Variants in RAPGEF4 observed in about 807,000 individuals in gnomAD.
RAPGEF4 encodes the protein RAP guanine-nucleotide-exchange factor (GEF) 4.
RAPGEF4 carries 66 observed loss-of-function variants against 147.9 expected under a neutral mutation model. The ratio of observed to expected loss-of-function variants is 0.45; its 90% CI spans 0.37 to 0.55. The LOEUF is 0.55. Ranked by LOEUF, RAPGEF4 falls within the 20% of genes least tolerant of loss-of-function variation. RAPGEF4 has a pLI of 0.00. For missense variants in RAPGEF4, 1,071 were observed against 1,257.3 expected, an observed-to-expected ratio of 0.85 and a Z score of 2.24; for synonymous variants, 419 against 442.7, an observed-to-expected ratio of 0.95 and a Z score of 0.67.
intron 15 of RAPGEF4, among the ~76,000 whole-genome samples, chr2:172,993,136 C>G (rs558651451): frequency 1.3e-5 from 2 of 152,014 alleles, no homozygotes; most frequent in Non-Finnish European, 2.9e-5. Context: ...AGTTTATGTG[C>G]ACATTTTTAA....
At chr2:172,953,393 A>T (rs1688414498) in intron 6 of RAPGEF4, among the ~76,000 whole-genome samples, 1 of 148,056 alleles carries the variant, frequency 6.8e-6, no homozygotes, top group African/African-American at 2.4e-5. Context: ...TATGTTATAT[A>T]ATAAATATAA....
intron 4 of RAPGEF4, among the ~76,000 whole-genome samples, chr2:172,917,096 C>T (rs1308969867): frequency 6.6e-6 from 1 of 152,170 alleles, no homozygotes; most frequent in African/African-American, 2.4e-5. Flanking sequence ...GCTTTATTCT[C>T]ACCAAGCCTT....
At position 172,746,768 on chromosome 2, in the gene RAPGEF4, A is replaced by G. The variant is rs577347359; in HGVS notation, c.65+10720A>G. Reference sequence around the variant, plus strand: ...GCTGGGATTACAGATGTCTGCCACCATGCCTGGCTAATTTTTGTAATTTTA... The same window carrying G: ...GCTGGGATTACAGATGTCTGCCACCGTGCCTGGCTAATTTTTGTAATTTTA... On this transcript the variant is annotated intron_variant, in intron 1 of 30. Coordinates refer to ENST00000397081, the MANE Select transcript of RAPGEF4 (RefSeq NM_007023.4). Among the ~76,000 whole-genome samples, 320 of 152,134 alleles carry G rather than the reference A, an allele frequency of 2.1e-3. 3 individuals carry two copies. The highest frequency in any genetic ancestry group is 2.5e-3 in the Non-Finnish European group (172 of 67,986).
At chr2:172,996,343 C>A in intron 15 of RAPGEF4, 123 bp from the exon 16 acceptor site, 1 of 527,210 alleles carries the variant, frequency 1.9e-6, no homozygotes, top group Non-Finnish European at 3.3e-6. Context: ...TCTCTCTTAC[C>A]ATGAAAGGTA....
intron 29 of RAPGEF4, among the ~76,000 whole-genome samples, chr2:173,047,722 G>A (rs1685662439): frequency 6.6e-6 from 1 of 151,586 alleles, no homozygotes; most frequent in African/African-American, 2.4e-5. Flanking sequence ...TGTCGCCCAG[G>A]CTGGAGTGCA....
intron 15 of RAPGEF4, 52 bp downstream of exon 15, chr2:172,990,977 A>T: frequency 7.5e-7 from 1 of 1,330,012 alleles, no homozygotes. Flanking sequence ...ACCTTTTCAC[A>T]TGGTATCATC....
intron 1 of RAPGEF4, among the ~76,000 whole-genome samples, chr2:172,782,992 C>T (rs1280077020): frequency 6.6e-6 from 1 of 152,186 alleles, no homozygotes; most frequent in Non-Finnish European, 1.5e-5. Context: ...TAAAATTGGA[C>T]AAGGCTGTAC....
intron 1 of RAPGEF4, among the ~76,000 whole-genome samples, chr2:172,750,908 T>C (rs1823611): frequency 0.68 from 104,058 of 152,082 alleles, 38,092 homozygotes; most frequent in East Asian, 0.97. Context: ...AGATATATCA[T>C]TTGCAAATAT....
At chr2:172,787,920 T>A (rs906215070) in intron 1 of RAPGEF4, among the ~76,000 whole-genome samples, 1 of 152,148 alleles carries the variant, frequency 6.6e-6, no homozygotes, top group Admixed American at 6.6e-5. Flanking sequence ...ATGCCCTGGC[T>A]AACAAAGTAC....
chr2:173,026,106 A>G (rs143888817), intron 23 of RAPGEF4, among the ~76,000 whole-genome samples: 9 of 152,274 alleles, frequency 5.9e-5, no homozygotes, highest in African/African-American at 1.7e-4. Context: ...AGAGATGGAG[A>G]GGCAGCAGTG....
chr2:172,740,155 C>T (rs1174979689), intron 1 of RAPGEF4, among the ~76,000 whole-genome samples: 1 of 152,176 alleles, frequency 6.6e-6, no homozygotes, highest in Non-Finnish European at 1.5e-5. Context: ...CTATGTGGAC[C>T]TTTACAGAAA....
At chr2:172,745,320 G>C (rs1694670091) in intron 1 of RAPGEF4, among the ~76,000 whole-genome samples, 1 of 152,048 alleles carries the variant, frequency 6.6e-6, no homozygotes, top group Non-Finnish European at 1.5e-5. Context: ...ATTTCAAGGA[G>C]TTTGTCCATT....
intron 6 of RAPGEF4, among the ~76,000 whole-genome samples, chr2:172,953,030 G>A (rs1688364592): frequency 6.6e-6 from 1 of 152,096 alleles, no homozygotes; most frequent in African/African-American, 2.4e-5. Context: ...TTTCCTGGAA[G>A]CGCTTCCTTC....
At position 173,020,658 on chromosome 2, in the gene RAPGEF4, G is replaced by A. The variant is rs201442045; in HGVS notation, c.2196G>A (p.Thr732=). 77 of 1,613,470 alleles carry A rather than the reference G, an allele frequency of 4.8e-5. No homozygotes were observed. In the Middle Eastern group the frequency reaches 6.6e-4, roughly 14 times the overall value. The change falls in exon 23 of 31, where the codon ACG becomes ACA. Residue 732 remains threonine, a synonymous_variant. Coordinates refer to ENST00000397081, the MANE Select transcript of RAPGEF4 (RefSeq NM_007023.4). ...VLKPNDVSVF[T]TLTINGRLFA... ...AACCTAATGATGTTTCAGTATTTACGACGCTCACCATTAATGGACGCCTGT... is the reference window on the plus strand; with the variant it reads ...AACCTAATGATGTTTCAGTATTTACAACGCTCACCATTAATGGACGCCTGT...
intron 3 of RAPGEF4, among the ~76,000 whole-genome samples, chr2:172,806,704 G>C (rs555237454): frequency 7.9e-5 from 12 of 152,268 alleles, no homozygotes; most frequent in African/African-American, 2.9e-4. Context: ...GAGAATCCGG[G>C]CTACACTTGG....
At chr2:172,979,711 C>T (rs1444187008) in intron 10 of RAPGEF4, among the ~76,000 whole-genome samples, 1 of 152,112 alleles carries the variant, frequency 6.6e-6, no homozygotes, top group Non-Finnish European at 1.5e-5. Context: ...CCATGTGCCA[C>T]GGAGGAATAA....
intron 1 of RAPGEF4, among the ~76,000 whole-genome samples, chr2:172,751,321 G>C (rs1434163162): frequency 1.3e-5 from 2 of 152,156 alleles, no homozygotes; most frequent in Non-Finnish European, 2.9e-5. Flanking sequence ...TGAAATTCTA[G>C]GTGGGAAGAC....
chr2:172,840,523 C>T (rs1691464863), intron 4 of RAPGEF4, among the ~76,000 whole-genome samples: 1 of 152,166 alleles, frequency 6.6e-6, no homozygotes, highest in Non-Finnish European at 1.5e-5. Flanking sequence ...TCTACTTTAC[C>T]TGCTAGAGTT....
chr2:172,814,205 T>C, intron 3 of RAPGEF4, 74 bp from the exon 4 acceptor site: 3 of 1,461,966 alleles, frequency 2.1e-6, no homozygotes, highest in Middle Eastern at 2.0e-4. Context: ...CAAATTATAC[T>C]GCAGTTAAAG....
Sources: gnomAD v4.1 joint callset for allele counts (sites outside exome capture counted in the v4.1 genomes callset) on GRCh38, gnomAD v4.1.1 for gene constraint, MANE v1.5 for transcripts, NCBI Gene and HGNC (gene_info 2026-07-23, HGNC 2026-07-21) for gene names.